PKD1L1: variants seen among roughly 807,000 people sequenced by gnomAD.
PKD1L1 encodes polycystin 1 like 1, transient receptor potential channel interacting.
In PKD1L1, 236 loss-of-function variants were observed where a neutral mutation model predicts 323.4. That is an observed-to-expected ratio of 0.73 (90% confidence interval 0.66 to 0.81). PKD1L1 has a LOEUF of 0.81. Ranked by LOEUF, PKD1L1 falls within the 40% of genes least tolerant of loss-of-function variation. The pLI is 0.00. For missense variants in PKD1L1, 3,320 were observed against 3,508.0 expected, an observed-to-expected ratio of 0.95 and a Z score of 1.35; for synonymous variants, 1,344 against 1,335.0, an observed-to-expected ratio of 1.01 and a Z score of -0.15.
At chr7:47,927,806 A>G (rs1281078506) in intron 7 of PKD1L1, among the ~76,000 whole-genome samples, 2 of 152,256 alleles carry the variant, frequency 1.3e-5, no homozygotes, top group African/African-American at 4.8e-5. Flanking sequence ...TTAACTATCA[A>G]TTACAGATGC....
At chr7:47,887,894 G>A in intron 17 of PKD1L1, 96 bp downstream of exon 17, 2 of 1,239,532 alleles carry the variant, frequency 1.6e-6, no homozygotes, top group Non-Finnish European at 2.2e-6. Context: ...AGACACACTG[G>A]GTCATACCAA....
At chr7:47,853,249 G>A (rs758327199) in intron 30 of PKD1L1, 22 bp from the exon 31 acceptor site, 5 of 1,491,074 alleles carry the variant, frequency 3.4e-6, no homozygotes, top group Non-Finnish European at 4.7e-6. Flanking sequence ...AAACAAAATA[G>A]GGATTTCTCA....
chr7:47,871,940 A>C (rs1025691509), intron 24 of PKD1L1, among the ~76,000 whole-genome samples: 1 of 152,218 alleles, frequency 6.6e-6, no homozygotes. Context: ...TTAGGCAAGA[A>C]ATAGAAATGG....
intron 7 of PKD1L1, among the ~76,000 whole-genome samples, chr7:47,918,466 C>T (rs1275277164): frequency 8.3e-6 from 1 of 121,202 alleles, no homozygotes; most frequent in Non-Finnish European, 1.6e-5. Context: ...GACAGAAAGT[C>T]AACAACAAAA....
rs574773829 is a variant in PKD1L1 at position 47,874,552 on chromosome 7, T to C, written c.3785-542A>G. Among the ~76,000 whole-genome samples, 10 of 152,324 alleles carry C rather than the reference T, an allele frequency of 6.6e-5. No individual in the cohort carries two copies. The East Asian group carries it at 1.9e-3, about 29-fold the overall frequency. On this transcript the variant is annotated intron_variant, in intron 23 of 56. Coordinates refer to ENST00000289672, the MANE Select transcript of PKD1L1 (RefSeq NM_138295.5). ...TTGACACTTCTCAAGATGTGGTCTA[T>C]GGACACTTGCAGCCCAAGCGCCAGG...
In PKD1L1 at chr7:47,856,184, C is replaced by T. The variant is rs149381865; in HGVS notation, c.4591-919G>A. Among the ~76,000 whole-genome samples, 252 of 152,086 alleles carry T rather than the reference C, an allele frequency of 1.7e-3. 3 individuals are homozygous for T. Among genetic ancestry groups the T allele is most frequent in the African/African-American group, 5.9e-3 (247 of 41,518 alleles). On this transcript the variant is annotated intron_variant, in intron 28 of 56. Transcript: ENST00000289672. ...TCCCGAGTAGCTGGGACTACAGGCA[C>T]GTGCCACCACACTCGGCTAATTTTT...
At chr7:47,835,765 T>C (rs1013418890) in intron 37 of PKD1L1, among the ~76,000 whole-genome samples, 6 of 152,122 alleles carry the variant, frequency 3.9e-5, no homozygotes, top group Non-Finnish European at 7.3e-5. Flanking sequence ...GAACTATATA[T>C]AGAACTGATA....
intron 15 of PKD1L1, among the ~76,000 whole-genome samples, chr7:47,891,560 C>T (rs74467356): frequency 0.046 from 7,005 of 152,324 alleles, 387 homozygotes; most frequent in African/African-American, 0.14. Context: ...ATTTCTCTGT[C>T]TGGTGTGCAG....
In PKD1L1 at chr7:47,842,962, CT is replaced by C; in HGVS notation, c.5444del (p.Lys1815ArgfsTer36). 2 of 1,612,352 alleles carry C rather than the reference CT, an allele frequency of 1.2e-6. No homozygotes were observed. Among genetic ancestry groups the C allele is most frequent in the Middle Eastern group, 1.7e-4 (1 of 5,934 alleles). On this transcript the variant is annotated frameshift_variant and splice_region_variant, in exon 34 of 57. Coordinates refer to ENST00000289672, the MANE Select transcript of PKD1L1 (RefSeq NM_138295.5). LOFTEE classifies it high-confidence loss of function. ...GAGTACCCCCAGATGCTCGAGCTACCTTTGAGGTCAACCTGGCCGGAGCTCG... is the reference window on the plus strand; with the variant it reads ...GAGTACCCCCAGATGCTCGAGCTACCTTGAGGTCAACCTGGCCGGAGCTCG... ...GFRAPARLTSKVYIVLCGDNG... is the reference protein window; with the variant it reads ...GFRAPARLTSXVYIVLCGDNG...
chr7:47,870,483 C>T (rs758863764), intron 24 of PKD1L1, among the ~76,000 whole-genome samples: 3 of 151,812 alleles, frequency 2.0e-5, no homozygotes, highest in Non-Finnish European at 4.4e-5. Context: ...CCATACAAAA[C>T]TGTATGCCAA....
upstream of PKD1L1, among the ~76,000 whole-genome samples, chr7:47,952,711 A>G (rs1788221871): frequency 6.6e-6 from 1 of 152,222 alleles, no homozygotes; most frequent in African/African-American, 2.4e-5. Flanking sequence ...TTATTGAAGT[A>G]TCATGATTTT....
chr7:47,918,652 A>T (rs1316387130), intron 7 of PKD1L1, among the ~76,000 whole-genome samples: 2 of 152,176 alleles, frequency 1.3e-5, no homozygotes, highest in African/African-American at 4.8e-5. Flanking sequence ...AAGAAAATCA[A>T]AATTGTATCA....
At chr7:47,784,333 T>G (rs1046923598) in intron 56 of PKD1L1, among the ~76,000 whole-genome samples, 7 of 152,228 alleles carry the variant, frequency 4.6e-5, no homozygotes, top group African/African-American at 1.7e-4. Context: ...TAGCTTTTCT[T>G]GTGATGTCCA....
chr7:47,794,668 C>A (rs535104758), intron 55 of PKD1L1, among the ~76,000 whole-genome samples: 2 of 152,156 alleles, frequency 1.3e-5, no homozygotes, highest in Admixed American at 1.3e-4. Context: ...GATCCTCTGA[C>A]AACTTGCACT....
At chr7:47,877,208 T>C (rs534548185) in intron 22 of PKD1L1, among the ~76,000 whole-genome samples, 34 of 152,248 alleles carry the variant, frequency 2.2e-4, no homozygotes, top group African/African-American at 7.9e-4. Context: ...GAGGCCCCTG[T>C]TCTAACCAGG....
rs142844270 is a variant in PKD1L1, at chr7:47,863,313, C to A, written c.4149+1903G>T. The stretch of plus-strand genomic sequence containing the variant: ...GTTTCGGCCCGTGTGGAAATGAGAG[C>A]GTGTAGTTATACGTGCGTGTCTGGG... On this transcript the variant is annotated intron_variant, in intron 26 of 56. Coordinates refer to ENST00000289672, the MANE Select transcript of PKD1L1 (RefSeq NM_138295.5). Among the ~76,000 whole-genome samples, 935 of 152,038 alleles carry A rather than the reference C, an allele frequency of 6.1e-3. 9 individuals are homozygous for A. The highest frequency in any genetic ancestry group is 0.022 in the African/African-American group (892 of 41,466).
intron 53 of PKD1L1, among the ~76,000 whole-genome samples, chr7:47,802,446 GT>G (rs1784684758): frequency 6.6e-6 from 1 of 152,124 alleles, no homozygotes; most frequent in Non-Finnish European, 1.5e-5. Context: ...CTCTGCCCTG[GT>G]TTGCTCAGCA....
intron 3 of PKD1L1, among the ~76,000 whole-genome samples, chr7:47,938,098 C>T (rs956443665): frequency 1.3e-5 from 2 of 152,158 alleles, no homozygotes; most frequent in East Asian, 1.9e-4. Context: ...CAGGGCCTCA[C>T]TCTGGCTCTT....
At chr7:47,877,761 TA>T in intron 21 of PKD1L1, 130 bp from the exon 22 acceptor site, 1 of 1,083,014 alleles carries the variant, frequency 9.2e-7, no homozygotes. Flanking sequence ...AGCATCGGAC[TA>T]ACCTGGGAAT....
Sources: gnomAD v4.1 joint callset for allele counts (sites outside exome capture counted in the v4.1 genomes callset) on GRCh38, gnomAD v4.1.1 for gene constraint, MANE v1.5 for transcripts, NCBI Gene and HGNC (gene_info 2026-07-23, HGNC 2026-07-21) for gene names.